The following CDH4 variants were observed in gnomAD, a reference collection of about 807,000 sequenced individuals.
The protein encoded by CDH4 is cadherin 4.
CDH4 carries 33 observed loss-of-function variants against 86.0 expected under a neutral mutation model. The ratio of observed to expected loss-of-function variants is 0.38; its 90% CI spans 0.29 to 0.51. The LOEUF (loss-of-function observed/expected upper bound fraction) is 0.51. Ranked by LOEUF, CDH4 falls within the 20% of genes least tolerant of loss-of-function variation. The pLI is 0.86. For missense variants in CDH4, 1,114 were observed against 1,307.4 expected (o/e 0.85, Z 2.28); for synonymous variants, 555 against 549.4 (o/e 1.01, Z -0.14).
intron 2 of CDH4, among the ~76,000 whole-genome samples, chr20:61,447,707 G>C (rs1461505772): frequency 6.7e-6 from 1 of 150,246 alleles, no homozygotes; most frequent in African/African-American, 2.4e-5. Context: ...GAAGAGGTAG[G>C]AGCAAGAGTA....
At chr20:61,341,827 C>G (rs934817945) in intron 2 of CDH4, among the ~76,000 whole-genome samples, 1 of 152,144 alleles carries the variant, frequency 6.6e-6, no homozygotes, top group African/African-American at 2.4e-5. Context: ...AGTGACAGGC[C>G]AGAGACCAAG....
At chr20:61,353,981 C>T (rs959842525) in intron 2 of CDH4, among the ~76,000 whole-genome samples, 1 of 151,910 alleles carries the variant, frequency 6.6e-6, no homozygotes, top group African/African-American at 2.4e-5. Flanking sequence ...CTCTGTTTTC[C>T]TGCTTGTAGG....
At chr20:61,699,391 C>A (rs1416835639) in intron 2 of CDH4, among the ~76,000 whole-genome samples, 2 of 152,206 alleles carry the variant, frequency 1.3e-5, no homozygotes, top group Non-Finnish European at 2.9e-5. Flanking sequence ...GGGCTAGTGA[C>A]AGGGCCACGG....
chr20:61,338,028 T>C lies in CDH4; in HGVS notation c.169+83091T>C, dbSNP rs968170734. ...TACTCTTCATTGGGGTCTTTTGCAATGTTTTAGTCACAAGGATGGGTGGTA... is the reference window on the plus strand; with the variant it reads ...TACTCTTCATTGGGGTCTTTTGCAACGTTTTAGTCACAAGGATGGGTGGTA... On this transcript the variant is annotated intron_variant, in intron 2 of 15. Transcript: ENST00000614565. Among the ~76,000 whole-genome samples, 15 of 152,182 alleles carry C rather than the reference T, an allele frequency of 9.9e-5. 1 individual carries two copies. The highest frequency in any genetic ancestry group is 3.2e-3 in the Middle Eastern group (1 of 316).
intron 2 of CDH4, among the ~76,000 whole-genome samples, chr20:61,416,865 T>C (rs984590785): frequency 6.6e-6 from 1 of 152,190 alleles, no homozygotes; most frequent in Non-Finnish European, 1.5e-5. Flanking sequence ...GGGTATCTTT[T>C]TGAGGGGGTG....
At chr20:61,301,442 T>C (rs1187795654) in intron 2 of CDH4, among the ~76,000 whole-genome samples, 1 of 152,212 alleles carries the variant, frequency 6.6e-6, no homozygotes, top group Non-Finnish European at 1.5e-5. Context: ...GTGTGCATTT[T>C]GCTGACATTT....
intron 2 of CDH4, among the ~76,000 whole-genome samples, chr20:61,321,931 A>G (rs1392653036): frequency 1.3e-5 from 2 of 151,110 alleles, no homozygotes; most frequent in African/African-American, 4.9e-5. Context: ...AGCATATATT[A>G]TAATAATAAA....
intron 2 of CDH4, among the ~76,000 whole-genome samples, chr20:61,548,843 G>A (rs1032334012): frequency 1.2e-4 from 19 of 152,212 alleles, no homozygotes; most frequent in African/African-American, 4.1e-4. Context: ...ATTGGCAGGT[G>A]ATTGGAACAT....
intron 6 of CDH4, among the ~76,000 whole-genome samples, chr20:61,858,461 G>A (rs1481796900): frequency 6.6e-6 from 1 of 150,832 alleles, no homozygotes; most frequent in African/African-American, 2.4e-5. Context: ...CTGTATCTGT[G>A]TGTGTCTCTG....
chr20:61,638,142 C>T (rs2427212), intron 2 of CDH4, among the ~76,000 whole-genome samples: 94,526 of 152,022 alleles, frequency 0.62, 29,871 homozygotes, highest in African/African-American at 0.73. Flanking sequence ...CAGCATCCAC[C>T]ATAGACGAGT....
At chr20:61,460,280 G>A (rs1370446101) in intron 2 of CDH4, among the ~76,000 whole-genome samples, 1 of 152,104 alleles carries the variant, frequency 6.6e-6, no homozygotes. Context: ...CAATCAATAT[G>A]AGCAGCTCAT....
chr20:61,805,735 G>A (rs374543342), intron 4 of CDH4, among the ~76,000 whole-genome samples: 16 of 152,324 alleles, frequency 1.1e-4, no homozygotes, highest in South Asian at 8.3e-4. Context: ...TTGATCATCC[G>A]TGGAAAACAA....
chr20:61,629,021 C>A (rs976768860), intron 2 of CDH4, among the ~76,000 whole-genome samples: 1 of 152,256 alleles, frequency 6.6e-6, no homozygotes, highest in Non-Finnish European at 1.5e-5. Flanking sequence ...AGGCATCTCG[C>A]AAGCTTCCCA....
chr20:61,922,316 C>G (rs939316285), intron 9 of CDH4, among the ~76,000 whole-genome samples: 1 of 152,216 alleles, frequency 6.6e-6, no homozygotes, highest in African/African-American at 2.4e-5. Flanking sequence ...TGTAACTTCC[C>G]TCCCTCCCCA....
intron 2 of CDH4, among the ~76,000 whole-genome samples, chr20:61,592,759 C>T (rs760754063): frequency 1.1e-4 from 17 of 152,146 alleles, no homozygotes; most frequent in Admixed American, 7.9e-4. Flanking sequence ...AGCACACTGC[C>T]GTCATGGTTC....
chr20:61,575,633 A>G (rs2086377703), intron 2 of CDH4, among the ~76,000 whole-genome samples: 1 of 152,256 alleles, frequency 6.6e-6, no homozygotes, highest in African/African-American at 2.4e-5. Flanking sequence ...GTATTTGTAA[A>G]TAAAGTTTTA....
At chr20:61,345,133 A>G (rs1013632051) in intron 2 of CDH4, among the ~76,000 whole-genome samples, 3 of 152,222 alleles carry the variant, frequency 2.0e-5, no homozygotes, top group Admixed American at 2.0e-4. Flanking sequence ...GAGTCAACAC[A>G]TGCTCCTAAT....
intron 2 of CDH4, among the ~76,000 whole-genome samples, chr20:61,608,044 C>G (rs117850436): frequency 2.6e-4 from 40 of 152,260 alleles, no homozygotes; most frequent in African/African-American, 8.2e-4. Flanking sequence ...TACAACTGAG[C>G]CTTTCCCCTC....
intron 2 of CDH4, among the ~76,000 whole-genome samples, chr20:61,394,167 A>T (rs958794620): frequency 6.6e-6 from 1 of 152,110 alleles, no homozygotes; most frequent in Non-Finnish European, 1.5e-5. Context: ...TTCCTGGGGA[A>T]CATTTTCCTC....
Sources: gnomAD v4.1 joint callset for allele counts (sites outside exome capture counted in the v4.1 genomes callset) on GRCh38, gnomAD v4.1.1 for gene constraint, MANE v1.5 for transcripts, NCBI Gene and HGNC (gene_info 2026-07-23, HGNC 2026-07-21) for gene names.